GRM1: variants seen among roughly 807,000 people sequenced by gnomAD.
GRM1 encodes glutamate metabotropic receptor 1.
In GRM1, 33 loss-of-function variants were observed where a neutral mutation model predicts 90.9. The observed-to-expected ratio is 0.36, with a 90% confidence interval of 0.28 to 0.49. The LOEUF (loss-of-function observed/expected upper bound fraction) is 0.49, where lower values mean the gene tolerates loss of function less well. Ranked by LOEUF, GRM1 falls within the 20% of genes least tolerant of loss-of-function variation. The pLI, the probability that GRM1 is intolerant of heterozygous loss-of-function variation, is 0.99. For synonymous variants in GRM1, 700 were observed against 613.2 expected, an observed-to-expected ratio of 1.14 and a Z score of -2.09; for missense variants, 1,190 against 1,534.3, an observed-to-expected ratio of 0.78 and a Z score of 3.75.
intron 2 of GRM1, among the ~76,000 whole-genome samples, chr6:146,257,571 A>T (rs1007008863): frequency 3.0e-4 from 45 of 152,008 alleles, no homozygotes; most frequent in African/African-American, 1.1e-3. Context: ...ATTACATATA[A>T]TTTCTTATAA....
At chr6:146,311,839 T>C (rs544882392) in intron 3 of GRM1, among the ~76,000 whole-genome samples, 76 of 152,336 alleles carry the variant, frequency 5.0e-4, no homozygotes, top group African/African-American at 1.8e-3. Flanking sequence ...GTTAATGTGC[T>C]GTTTTGATTG....
Position 146,357,679 on chromosome 6 carries a change from A to T in GRM1, c.1587A>T (p.Leu529Phe). 4 of 1,613,934 alleles carry T rather than the reference A, an allele frequency of 2.5e-6. No homozygotes were observed. The South Asian group carries it at 4.4e-5, about 18-fold the overall frequency. The change falls in exon 5 of 8, where the codon TTA (leucine) becomes TTT (phenylalanine). Residue 529 changes from leucine to phenylalanine, a missense_variant. Transcript: ENST00000282753. ...VVRSVCSEPC[L>F]KGQIKVIRKG... ...GGTCTGTGTGCAGTGAGCCTTGCTT[A>T]AAGGGCCAGATTAAGGTAAGCCACA...
intron 1 of GRM1, among the ~76,000 whole-genome samples, chr6:146,032,012 A>G (rs567255823): frequency 2.6e-5 from 4 of 152,136 alleles, no homozygotes; most frequent in South Asian, 4.1e-4. Context: ...TCCATATTTC[A>G]TTATAAGATT....
In GRM1 at chr6:146,199,187, T is replaced by C. The variant is rs183043023; in HGVS notation, c.950+39590T>C. On this transcript the variant is annotated intron_variant, in intron 2 of 7. Transcript: ENST00000282753. ...GCTGGTGTGTCCACCAGGCTTCCCATTGAGTGCAATTCTCTGAGGGGTTGT... is the reference window on the plus strand; with the variant it reads ...GCTGGTGTGTCCACCAGGCTTCCCACTGAGTGCAATTCTCTGAGGGGTTGT... Among the ~76,000 whole-genome samples, 429 of 152,306 alleles carry C rather than the reference T, an allele frequency of 2.8e-3. 4 individuals carry two copies. Among genetic ancestry groups the C allele is most frequent in the African/African-American group, 9.5e-3 (397 of 41,576 alleles).
intron 3 of GRM1, among the ~76,000 whole-genome samples, chr6:146,327,780 A>G (rs1323781696): frequency 6.6e-6 from 1 of 152,068 alleles, no homozygotes; most frequent in Non-Finnish European, 1.5e-5. Context: ...CGCCATGTCT[A>G]TTTCACAATA....
intron 6 of GRM1, among the ~76,000 whole-genome samples, chr6:146,392,230 A>G (rs369044234): frequency 3.0e-4 from 45 of 152,130 alleles, no homozygotes; most frequent in African/African-American, 1.1e-3. Flanking sequence ...TTCCACTGAA[A>G]CTTCTGCCCT....
chr6:146,324,753 C>T (rs1784342931), intron 3 of GRM1, among the ~76,000 whole-genome samples: 1 of 152,152 alleles, frequency 6.6e-6, no homozygotes, highest in Non-Finnish European at 1.5e-5. Flanking sequence ...GTGGGCTGCA[C>T]CCCCTGTCTA....
At chr6:146,037,748 T>C (rs1790942666) in intron 1 of GRM1, among the ~76,000 whole-genome samples, 1 of 152,046 alleles carries the variant, frequency 6.6e-6, no homozygotes, top group Non-Finnish European at 1.5e-5. Context: ...TTGCCTTCTC[T>C]TTAGCAACCC....
chr6:146,154,540 G>A (rs1361116334), intron 1 of GRM1, among the ~76,000 whole-genome samples: 2 of 152,124 alleles, frequency 1.3e-5, no homozygotes, highest in East Asian at 1.9e-4. Flanking sequence ...GGTTACTGAA[G>A]GTGTTTGAAT....
chr6:146,095,422 A>G (rs983608822), intron 1 of GRM1, among the ~76,000 whole-genome samples: 3 of 152,132 alleles, frequency 2.0e-5, no homozygotes, highest in African/African-American at 7.2e-5. Flanking sequence ...TTTAGAAGCC[A>G]TTTGTTTTCC....
intron 2 of GRM1, among the ~76,000 whole-genome samples, chr6:146,270,246 A>T (rs1332287598): frequency 6.6e-6 from 1 of 152,188 alleles, no homozygotes; most frequent in Non-Finnish European, 1.5e-5. Context: ...AGATTCAGGG[A>T]TCAACACTTT....
intron 2 of GRM1, among the ~76,000 whole-genome samples, chr6:146,238,542 C>T (rs994448144): frequency 6.6e-6 from 1 of 152,064 alleles, no homozygotes; most frequent in Non-Finnish European, 1.5e-5. Flanking sequence ...AAAAAGGGTA[C>T]GTACCCTTCA....
intron 1 of GRM1, among the ~76,000 whole-genome samples, chr6:146,032,956 T>G (rs1323208582): frequency 1.3e-5 from 2 of 152,196 alleles, no homozygotes; most frequent in Admixed American, 6.5e-5. Flanking sequence ...TATTTTCTGT[T>G]TTGTTTTGTG....
chr6:146,205,154 T>C (rs1421157486), intron 2 of GRM1, among the ~76,000 whole-genome samples: 2 of 152,190 alleles, frequency 1.3e-5, no homozygotes, highest in Non-Finnish European at 2.9e-5. Flanking sequence ...TGAGGACATG[T>C]TTTAGAGTAA....
chr6:146,322,919 A>G (rs910111112), intron 3 of GRM1, among the ~76,000 whole-genome samples: 6 of 152,144 alleles, frequency 3.9e-5, no homozygotes, highest in African/African-American at 1.4e-4. Flanking sequence ...ATGTCCCTAC[A>G]AAGGACATGA....
intron 7 of GRM1, among the ~76,000 whole-genome samples, chr6:146,408,510 C>T (rs1777439704): frequency 6.6e-6 from 1 of 152,034 alleles, no homozygotes; most frequent in Non-Finnish European, 1.5e-5. Flanking sequence ...AGAAAAATCT[C>T]AATAATTGTT....
At chr6:146,259,193 C>G (rs1363520520) in intron 2 of GRM1, among the ~76,000 whole-genome samples, 1 of 152,064 alleles carries the variant, frequency 6.6e-6, no homozygotes, top group South Asian at 2.1e-4. Context: ...CCATCAAGTC[C>G]TAGTTTAGAC....
At chr6:146,397,033 G>A (rs1776965122) in intron 6 of GRM1, among the ~76,000 whole-genome samples, 1 of 152,152 alleles carries the variant, frequency 6.6e-6, no homozygotes, top group African/African-American at 2.4e-5. Flanking sequence ...TACATGGGAA[G>A]GACAGAATGC....
At chr6:146,361,556 G>A (rs1156483896) in intron 5 of GRM1, among the ~76,000 whole-genome samples, 2 of 152,158 alleles carry the variant, frequency 1.3e-5, no homozygotes, top group Non-Finnish European at 2.9e-5. Context: ...AAGTAATGGA[G>A]ATCAGGGACT....
Sources: gnomAD v4.1 joint callset for allele counts (sites outside exome capture counted in the v4.1 genomes callset) on GRCh38, gnomAD v4.1.1 for gene constraint, MANE v1.5 for transcripts, NCBI Gene and HGNC (gene_info 2026-07-23, HGNC 2026-07-21) for gene names.